Variants in EMCN observed in about 807,000 individuals in gnomAD.
The protein encoded by EMCN is MUC-14.
EMCN carries 37 observed loss-of-function variants against 38.4 expected under a neutral mutation model. The observed-to-expected ratio is 0.96, with a 90% CI of 0.74 to 1.27. The LOEUF is 1.27. EMCN is among the 50% of genes most tolerant of loss of function. The pLI is 0.00. For synonymous variants in EMCN, 95 were observed against 100.8 expected, an observed-to-expected ratio of 0.94 and a Z score of 0.35; for missense variants, 318 against 302.8, an observed-to-expected ratio of 1.05 and a Z score of -0.37.
At chr4:100,464,823 TCTTTA>T (rs1728271846) in intron 4 of EMCN, among the ~76,000 whole-genome samples, 1 of 152,122 alleles carries the variant, frequency 6.6e-6, no homozygotes, top group South Asian at 2.1e-4. Context: ...TCTATAGTTT[TCTTTA>T]CTTGCTTTTT....
chr4:100,492,975 T>C (rs1169272402), intron 1 of EMCN, among the ~76,000 whole-genome samples: 1 of 152,194 alleles, frequency 6.6e-6, no homozygotes, highest in Non-Finnish European at 1.5e-5. Context: ...ATAGACTTTT[T>C]GTGCAGATCT....
intron 4 of EMCN, among the ~76,000 whole-genome samples, chr4:100,453,083 A>C (rs180762178): frequency 4.0e-4 from 61 of 152,280 alleles, no homozygotes; most frequent in African/African-American, 1.4e-3. Context: ...CCCTAGAAGA[A>C]AACCTAGGCA....
At chr4:100,404,631 A>C (rs905832269) in intron 11 of EMCN, among the ~76,000 whole-genome samples, 2 of 152,048 alleles carry the variant, frequency 1.3e-5, no homozygotes. Context: ...GTATCATTTG[A>C]AGTTGGGTAA....
intron 4 of EMCN, among the ~76,000 whole-genome samples, chr4:100,459,564 T>C (rs1041796201): frequency 2.6e-5 from 4 of 152,120 alleles, no homozygotes; most frequent in Non-Finnish European, 4.4e-5. Context: ...CAACATCTTC[T>C]CATTCCCACC....
chr4:100,425,149 G>GCACACACACAGA (rs1727008032), intron 5 of EMCN, among the ~76,000 whole-genome samples: 1 of 141,140 alleles, frequency 7.1e-6, no homozygotes, highest in Admixed American at 7.1e-5. Flanking sequence ...TCTGAATCCA[G>GCACACACACAGA]CACACACACA....
chr4:100,469,470 A>C (rs1728413166), intron 3 of EMCN, among the ~76,000 whole-genome samples: 1 of 151,998 alleles, frequency 6.6e-6, no homozygotes, highest in Admixed American at 6.6e-5. Context: ...CAAAGGAAAC[A>C]ATTAGCAAAA....
chr4:100,479,635 ATTTC>A (rs1728753185), intron 2 of EMCN, among the ~76,000 whole-genome samples: 1 of 152,070 alleles, frequency 6.6e-6, no homozygotes, highest in Non-Finnish European at 1.5e-5. Flanking sequence ...GGACATGGCA[ATTTC>A]TTTCTTCTCT....
intron 2 of EMCN, among the ~76,000 whole-genome samples, chr4:100,478,478 G>A (rs1170674288): frequency 2.0e-5 from 3 of 152,128 alleles, no homozygotes; most frequent in Non-Finnish European, 4.4e-5. Flanking sequence ...CATATTTAAT[G>A]TATAGAAGTA....
intron 3 of EMCN, among the ~76,000 whole-genome samples, chr4:100,471,675 A>C (rs1255303914): frequency 6.6e-6 from 1 of 151,958 alleles, no homozygotes; most frequent in African/African-American, 2.4e-5. Context: ...TAGACATAAA[A>C]ATTCTTAACA....
At chr4:100,465,226 C>A (rs1359783730) in intron 4 of EMCN, among the ~76,000 whole-genome samples, 197 bp downstream of exon 4, 1 of 151,972 alleles carries the variant, frequency 6.6e-6, no homozygotes, top group Non-Finnish European at 1.5e-5. Flanking sequence ...TCCTTGTGAC[C>A]CATTCCTTTG....
intron 3 of EMCN, among the ~76,000 whole-genome samples, chr4:100,467,556 C>T (rs1403879394): frequency 6.6e-6 from 1 of 151,752 alleles, no homozygotes; most frequent in East Asian, 1.9e-4. Flanking sequence ...GTGGTGGGCG[C>T]CTGTAGTCCC....
intron 4 of EMCN, among the ~76,000 whole-genome samples, chr4:100,453,172 G>A (rs529487050): frequency 6.6e-6 from 1 of 152,196 alleles, no homozygotes; most frequent in East Asian, 1.9e-4. Context: ...TTGACAAATG[G>A]GATCTAATTA....
intron 4 of EMCN, among the ~76,000 whole-genome samples, chr4:100,454,435 G>C (rs964915628): frequency 2.0e-5 from 3 of 152,046 alleles, no homozygotes; most frequent in African/African-American, 7.2e-5. Context: ...TATGGATTAT[G>C]AAACCTAGGT....
chr4:100,475,659 CTTTTTTTTTT>C (rs869169290), intron 2 of EMCN, among the ~76,000 whole-genome samples: 1 of 60,316 alleles, frequency 1.7e-5, no homozygotes, highest in African/African-American at 8.4e-5. Context: ...AATTCTAGTC[CTTTTTTTTTT>C]TTTTTTTTTT....
At chr4:100,447,648 G>T in intron 4 of EMCN, 77 bp from the exon 5 acceptor site, 1 of 878,060 alleles carries the variant, frequency 1.1e-6, no homozygotes, top group Non-Finnish European at 1.8e-6. Context: ...ATTGTTTCAG[G>T]TGGTAAATGA....
At chr4:100,477,147 G>A (rs761412362) in intron 2 of EMCN, among the ~76,000 whole-genome samples, 2 of 152,070 alleles carry the variant, frequency 1.3e-5, no homozygotes, top group Non-Finnish European at 2.9e-5. Context: ...GAAACTGTTA[G>A]TATCACTGTT....
At chr4:100,459,941 C>A (rs1419422403) in intron 4 of EMCN, among the ~76,000 whole-genome samples, 1 of 152,072 alleles carries the variant, frequency 6.6e-6, no homozygotes, top group Non-Finnish European at 1.5e-5. Flanking sequence ...GATATGTACC[C>A]AGAAGTGGGA....
At chr4:100,446,521 T>G (rs1371229250) in intron 5 of EMCN, among the ~76,000 whole-genome samples, 1 of 152,130 alleles carries the variant, frequency 6.6e-6, no homozygotes, top group Non-Finnish European at 1.5e-5. Flanking sequence ...TTTTTTTATT[T>G]TTCTAATTTT....
chr4:100,455,477 G>A (rs1052100587), intron 4 of EMCN, among the ~76,000 whole-genome samples: 1 of 148,224 alleles, frequency 6.7e-6, no homozygotes, highest in African/African-American at 2.5e-5. Flanking sequence ...TTATATGTCT[G>A]AAAAAATATT....
Sources: gnomAD v4.1 joint callset for allele counts (sites outside exome capture counted in the v4.1 genomes callset) on GRCh38, gnomAD v4.1.1 for gene constraint, MANE v1.5 for transcripts, NCBI Gene and HGNC (gene_info 2026-07-23, HGNC 2026-07-21) for gene names.